DCP2: variants seen among roughly 807,000 people sequenced by gnomAD.
DCP2 encodes the protein m7GpppN-mRNA hydrolase.
A neutral mutation model predicts 56.1 loss-of-function variants in DCP2; 30 were observed. That is an observed-to-expected ratio of 0.53 (90% CI 0.40 to 0.73). The LOEUF is 0.73. Among genes scored for constraint, DCP2 ranks in the 30% least tolerant of loss-of-function variants. The pLI, the probability that DCP2 is intolerant of heterozygous loss-of-function variation, is 0.00. For missense variants in DCP2, 533 were observed against 502.7 expected (o/e 1.06, Z -0.58); for synonymous variants, 197 against 163.3 (o/e 1.21, Z -1.57).
In DCP2 at chr5:112,980,129, A is replaced by G. The variant is rs376781946; in HGVS notation, c.53+3143A>G. 1.7e-4 allele frequency among the ~76,000 whole-genome samples: 26 copies of G among 152,358 alleles called. No homozygotes were observed. In the South Asian group the frequency reaches 5.2e-3, roughly 30 times the overall value. The stretch of plus-strand genomic sequence containing the variant: ...TTTTTGATGAACCATGATTTTTGAT[A>G]TTAAAACTCAAATACAGAGTTTTTC... On this transcript the variant is annotated intron_variant, in intron 1 of 10. Coordinates refer to ENST00000389063, the MANE Select transcript of DCP2 (RefSeq NM_152624.6).
At chr5:112,994,013 G>T (rs1158039148) in intron 4 of DCP2, among the ~76,000 whole-genome samples, 1 of 151,668 alleles carries the variant, frequency 6.6e-6, no homozygotes, top group African/African-American at 2.4e-5. Flanking sequence ...CCCAGGCTGG[G>T]TTTGAACTTC....
At chr5:112,987,608 A>ACCTG (rs1748355624) in intron 2 of DCP2, among the ~76,000 whole-genome samples, 1 of 140,718 alleles carries the variant, frequency 7.1e-6, no homozygotes, top group Non-Finnish European at 1.5e-5. Flanking sequence ...GCAAGCCACC[A>ACCTG]CACCTAGGTG....
intron 2 of DCP2, among the ~76,000 whole-genome samples, chr5:112,988,494 TAAA>T (rs368124032): frequency 3.6e-5 from 3 of 82,452 alleles, no homozygotes; most frequent in African/African-American, 5.0e-5. Context: ...TGTGTCTTAA[TAAA>T]AAAAAAAAAA....
rs1749517744 is a variant in DCP2 at position 113,007,977 on chromosome 5, G to A, written c.982G>A (p.Asp328Asn). The A allele has an allele frequency of 6.2e-7, 1 of 1,613,898 alleles. No individual in the cohort carries two copies. The change falls in exon 9 of 11, where the codon GAT becomes AAT. Residue 328 changes from aspartate to asparagine, a missense_variant. This residue lies in a region of DCP2 where 392 missense variants were observed against 346.6 expected (regional missense o/e 1.13). Transcript: ENST00000389063. Reference sequence around the variant, plus strand: ...GGGAAATGGCAGAAAACAGTATCAAGATTCACCTAATCAAAAGAAAAGAAC... The same window carrying A: ...GGGAAATGGCAGAAAACAGTATCAAAATTCACCTAATCAAAAGAAAAGAAC... ...MRGNGRKQYQDSPNQKKRTNG... is the reference protein window; with the variant it reads ...MRGNGRKQYQNSPNQKKRTNG...
intron 4 of DCP2, among the ~76,000 whole-genome samples, chr5:112,993,997 A>T (rs1007838899): frequency 6.6e-6 from 1 of 151,660 alleles, no homozygotes; most frequent in African/African-American, 2.4e-5. Flanking sequence ...GGCAAAGTCT[A>T]TGTTGCCCAG....
rs529386266 is a variant in DCP2 at position 112,987,499 on chromosome 5, C to G, written c.205+1513C>G. 2.8e-4 allele frequency among the ~76,000 whole-genome samples: 43 copies of G among 152,034 alleles called. 1 individual carries two copies. The South Asian group carries it at 8.8e-3, about 31-fold the overall frequency. The stretch of plus-strand genomic sequence containing the variant: ...AGACAGCCTCACTTTGTTGACCAGG[C>G]TGGAGTGTGGTGGTGTGATCTTGGC... On this transcript the variant is annotated intron_variant, in intron 2 of 10. Coordinates refer to ENST00000389063, the MANE Select transcript of DCP2 (RefSeq NM_152624.6).
In DCP2 at chr5:113,001,364, A is replaced by T; in HGVS notation, c.593A>T (p.Glu198Val). 6.2e-7 allele frequency: 1 copy of T among 1,611,216 alleles called. No individual in the cohort carries two copies. Among genetic ancestry groups the T allele is most frequent in the Non-Finnish European group, 8.5e-7 (1 of 1,179,202 alleles). Residue 198 changes from glutamate (E) to valine (V), a missense_variant, in exon 6 of 11, where the codon GAG (glutamate) becomes GTG (valine). This residue lies in a region of DCP2 where 392 missense variants were observed against 346.6 expected (regional missense o/e 1.13). Coordinates refer to ENST00000389063, the MANE Select transcript of DCP2 (RefSeq NM_152624.6). ...TTTTCTTCTGTGTTTCAGAACATTGAGTGGTTCTCTATTGAGAAATTGCCT... is the reference window on the plus strand; with the variant it reads ...TTTTCTTCTGTGTTTCAGAACATTGTGTGGTTCTCTATTGAGAAATTGCCT... ...PKTRREIRNI[E>V]WFSIEKLPCH...
At chr5:112,999,423 G>C (rs1475545640) in intron 4 of DCP2, among the ~76,000 whole-genome samples, 1 of 151,786 alleles carries the variant, frequency 6.6e-6, no homozygotes, top group Non-Finnish European at 1.5e-5. Context: ...CATTTCCTGG[G>C]GTTCAAGTGA....
intron 10 of DCP2, among the ~76,000 whole-genome samples, chr5:113,012,966 T>A (rs1448652931): frequency 6.6e-6 from 1 of 152,182 alleles, no homozygotes; most frequent in Non-Finnish European, 1.5e-5. Flanking sequence ...GGTGATAAAT[T>A]CCTGGAAATC....
At chr5:112,994,155 T>TTTTC (rs1207330671) in intron 4 of DCP2, among the ~76,000 whole-genome samples, 9 of 148,340 alleles carry the variant, frequency 6.1e-5, no homozygotes, top group Non-Finnish European at 1.0e-4. Flanking sequence ...TCATTCCTTT[T>TTTTC]TTTCTTTCTT....
intron 4 of DCP2, among the ~76,000 whole-genome samples, chr5:112,997,389 C>G (rs1375142887): frequency 1.3e-5 from 2 of 152,132 alleles, no homozygotes; most frequent in Non-Finnish European, 2.9e-5. Flanking sequence ...CTTGTGGTTT[C>G]AAGATTTAAT....
intron 2 of DCP2, among the ~76,000 whole-genome samples, chr5:112,990,126 G>A (rs769004274): frequency 2.0e-5 from 3 of 152,170 alleles, no homozygotes; most frequent in Non-Finnish European, 2.9e-5. Flanking sequence ...AATGAGAAAT[G>A]TAGGGAATTG....
chr5:113,009,860 T>C (rs981139708), intron 9 of DCP2, among the ~76,000 whole-genome samples: 1 of 151,844 alleles, frequency 6.6e-6, no homozygotes, highest in Non-Finnish European at 1.5e-5. Context: ...GGAAATCAGC[T>C]AGAAAAATAT....
At chr5:113,013,295 ATTTAT>A (rs1347473576) in intron 10 of DCP2, 21 bp from the exon 11 acceptor site, 4 of 1,593,656 alleles carry the variant, frequency 2.5e-6, no homozygotes, top group Middle Eastern at 1.7e-4. Flanking sequence ...TACTGAGCTT[ATTTAT>A]TTTGTTTTTT....
intron 8 of DCP2, among the ~76,000 whole-genome samples, chr5:113,006,947 A>G (rs1451763709): frequency 3.3e-5 from 5 of 152,134 alleles, no homozygotes; most frequent in African/African-American, 9.7e-5. Flanking sequence ...AGCTTGGCCA[A>G]CAGGGTGAAA....
Sources: allele counts gnomAD v4.1 joint callset (sites outside exome capture counted in the v4.1 genomes callset), GRCh38; gene constraint gnomAD v4.1.1; regional missense constraint gnomAD v4.1.1; transcripts MANE v1.5; gene names NCBI Gene and HGNC (gene_info 2026-07-23, HGNC 2026-07-21).